The following SLC5A5 variants were observed in gnomAD, a reference collection of about 807,000 sequenced individuals.
The protein encoded by SLC5A5 is sodium/iodide cotransporter.
Under a neutral mutation model 68.6 loss-of-function variants are expected in SLC5A5, and 56 were observed. The ratio of observed to expected loss-of-function variants is 0.82; its 90% CI spans 0.66 to 1.02. SLC5A5 has a LOEUF of 1.02. Among genes scored for constraint, SLC5A5 ranks in the 50% least tolerant of loss-of-function variants. The probability of loss-of-function intolerance (pLI) is 0.00; values close to 1 mark genes in which losing one functional copy is unlikely to be tolerated. For synonymous variants in SLC5A5, 398 were observed against 373.0 expected, an observed-to-expected ratio of 1.07 and a Z score of -0.77; for missense variants, 807 against 859.8, an observed-to-expected ratio of 0.94 and a Z score of 0.77.
In SLC5A5 at chr19:17,883,059, A is replaced by T. The variant is rs149186103; in HGVS notation, c.1243-622A>T. Among the ~76,000 whole-genome samples, 1,346 of 151,956 alleles carry T rather than the reference A, an allele frequency of 8.9e-3. 20 individuals carry two copies. The highest frequency in any genetic ancestry group is 0.03 in the African/African-American group (1,248 of 41,424). On this transcript the variant is annotated intron_variant, in intron 10 of 14. Coordinates refer to ENST00000222248, the MANE Select transcript of SLC5A5 (RefSeq NM_000453.3). ...GGTCTCGAACTCCTGACCTCAAGTGATCCACCCGCCTCTGCCTCCCAAAGT... is the reference window on the plus strand; with the variant it reads ...GGTCTCGAACTCCTGACCTCAAGTGTTCCACCCGCCTCTGCCTCCCAAAGT...
chr19:17,891,997 A>G (rs2030190109), intron 14 of SLC5A5, among the ~76,000 whole-genome samples: 1 of 152,160 alleles, frequency 6.6e-6, no homozygotes, highest in Non-Finnish European at 1.5e-5. Flanking sequence ...TCAAAAGATA[A>G]TACAACCAGA....
chr19:17,877,722 G>C lies in SLC5A5; in HGVS notation c.699-1G>C. On this transcript the variant is annotated splice_acceptor_variant, in intron 5 of 14. Transcript: ENST00000222248. LOFTEE classifies it high-confidence loss of function. ...GGCTAACTTGCCCTGTCCCCACCCA[G>C]CTTTAACCCTGACCCGAGGAGCCGC... is the stretch of plus-strand genomic sequence containing the variant. 6.2e-7 allele frequency: 1 copy of C among 1,614,092 alleles called. No homozygotes were observed. Among genetic ancestry groups the C allele is most frequent in the Non-Finnish European group, 8.5e-7 (1 of 1,180,014 alleles).
In SLC5A5 at chr19:17,882,606, C is replaced by G. The variant is rs191794158; in HGVS notation, c.1242+387C>G. On this transcript the variant is annotated intron_variant, in intron 10 of 14. Transcript: ENST00000222248. ...TCTCAGCTCGCTGCAACCTCCACCC[C>G]CTGGGTTCAAGGAATTCTGCCTCAG... Among the ~76,000 whole-genome samples, 91 of 151,956 alleles carry G rather than the reference C, an allele frequency of 6.0e-4. No homozygotes were observed. In the East Asian group the frequency reaches 0.017, roughly 28 times the overall value.
intron 4 of SLC5A5, among the ~76,000 whole-genome samples, chr19:17,875,406 C>T (rs1479723341): frequency 4.6e-5 from 7 of 151,186 alleles, no homozygotes. Context: ...ATAGTAATGG[C>T]AGCAATCACT....
chr19:17,873,335 C>T (rs373682298), intron 1 of SLC5A5, among the ~76,000 whole-genome samples: 1 of 151,784 alleles, frequency 6.6e-6, no homozygotes, highest in East Asian at 1.9e-4. Context: ...GTGGTGGGCA[C>T]CTGTAATCCC....
Position 17,890,793 on chromosome 19 carries a change from G to A in SLC5A5, c.1652-93G>A, listed in dbSNP as rs1038571310. 27 of 878,290 alleles carry A rather than the reference G, an allele frequency of 3.1e-5. No homozygotes were observed. In the African/African-American group the frequency reaches 4.3e-4, roughly 14 times the overall value. The allele number at this position is 878,290 out of a possible 1,614,324, so 54.4% of individuals were successfully genotyped here. ...GGAGCCTGTTAGACTTCATAGACCA[G>A]GGATCTCCTTTCTCCTTCCCAGGAC... On this transcript the variant is annotated intron_variant, in intron 13 of 14. Transcript: ENST00000222248.
chr19:17,893,811 G>A lies in SLC5A5; in HGVS notation c.1866G>A (p.Gly622=). ...TCTTGGGGCAGAAGGAGCTGGAGGG[G>A]GCTGGCTCTTGGACCCCCTGTGTTG... The part of the protein sequence containing the change: ...LFFLGQKELE[G]AGSWTPCVGH... Residue 622 remains glycine, a synonymous_variant, in exon 15 of 15, where the codon GGG becomes GGA. Coordinates refer to ENST00000222248, the MANE Select transcript of SLC5A5 (RefSeq NM_000453.3). 6.2e-7 allele frequency: 1 copy of A among 1,607,014 alleles called. No individual in the cohort carries two copies. Among genetic ancestry groups the A allele is most frequent in the Non-Finnish European group, 8.5e-7 (1 of 1,176,214 alleles).
Position 17,872,070 on chromosome 19 carries a change from A to G in SLC5A5, c.-250A>G. ...TGAGAGGGGAGGTGGCAGGACAGAC[A>G]GACAGCAGGGGCGGACGCAGAGACA... is the stretch of plus-strand genomic sequence containing the variant. On this transcript the variant is annotated 5_prime_UTR_variant, in exon 1 of 15. Transcript: ENST00000222248. 1.8e-6 allele frequency: 1 copy of G among 546,578 alleles called. No homozygotes were observed. The highest frequency in any genetic ancestry group is 3.3e-6 in the Non-Finnish European group (1 of 306,936). 33.9% of individuals were successfully genotyped at this position (546,578 alleles called of 1,614,324 possible).
intron 5 of SLC5A5, among the ~76,000 whole-genome samples, chr19:17,876,546 C>T (rs2094307811): frequency 6.6e-6 from 1 of 150,764 alleles, no homozygotes; most frequent in South Asian, 2.1e-4. Flanking sequence ...TGACCGACAT[C>T]GAGAAACCCC....
rs750152679 is a variant in SLC5A5, at chr19:17,875,956, G to A, written c.548G>A (p.Gly183Asp). The A allele has an allele frequency of 6.2e-7, 1 of 1,614,072 alleles. No homozygotes were observed. Among genetic ancestry groups the A allele is most frequent in the Non-Finnish European group, 8.5e-7 (1 of 1,180,006 alleles). Residue 183 changes from glycine (G) to aspartate (D), a missense_variant, in exon 5 of 15, where the codon GGC (glycine) becomes GAC (aspartate). Gly to Asp is a moderately conservative substitution (Grantham distance 94). Transcript: ENST00000222248. ...IICTFYTAVG[G>D]MKAVVWTDVF... ...TCTCTCTGTCCCATGCTGCAGGGCG[G>A]CATGAAGGCTGTGGTCTGGACTGAT...
At chr19:17,886,452 C>T (rs919477908) in intron 12 of SLC5A5, among the ~76,000 whole-genome samples, 17 of 151,976 alleles carry the variant, frequency 1.1e-4, no homozygotes, top group African/African-American at 4.1e-4. Flanking sequence ...GGACTACAGG[C>T]ATATGCCACC....
chr19:17,877,706 GC>G lies in SLC5A5; in HGVS notation c.699-14del. 6.2e-7 allele frequency: 1 copy of G among 1,613,824 alleles called. No homozygotes were observed. The highest frequency in any genetic ancestry group is 8.5e-7 in the Non-Finnish European group (1 of 1,179,976). On this transcript the variant is annotated splice_polypyrimidine_tract_variant and intron_variant, in intron 5 of 14. Transcript: ENST00000222248. Reference sequence around the variant, plus strand: ...CGTGACATCTCCACGTGGCTAACTTGCCCTGTCCCCACCCAGCTTTAACCCT... The same window carrying G: ...CGTGACATCTCCACGTGGCTAACTTGCCTGTCCCCACCCAGCTTTAACCCT...
intron 7 of SLC5A5, among the ~76,000 whole-genome samples, chr19:17,878,976 AAAAAAAAAAAAAC>A (rs1245021666): frequency 3.4e-5 from 5 of 146,842 alleles, no homozygotes; most frequent in South Asian, 2.1e-4. Context: ...CTCCATCTCA[AAAAAAAAAAAAAC>A]AAAAAAAAAA....
chr19:17,872,410 G>A lies in SLC5A5; in HGVS notation c.91G>A (p.Gly31Arg), dbSNP rs2094296392. Reference protein sequence around the residue: ...ALMLLVSTGIGLWVGLARGGQ... With the variant: ...ALMLLVSTGIRLWVGLARGGQ... Reference sequence around the variant, plus strand: ...CATGCTCCTGGTGTCCACTGGCATCGGGCTGTGGGTCGGGCTGGCTCGGGG... The same window carrying A: ...CATGCTCCTGGTGTCCACTGGCATCAGGCTGTGGGTCGGGCTGGCTCGGGG... Residue 31 changes from glycine (G) to arginine (R), a missense_variant, in exon 1 of 15, where the codon GGG becomes AGG. Gly to Arg is a moderately radical substitution (Grantham distance 125). Transcript: ENST00000222248. 1 of 1,607,132 alleles carries A rather than the reference G, an allele frequency of 6.2e-7. No individual in the cohort carries two copies. The highest frequency in any genetic ancestry group is 1.7e-5 in the Admixed American group (1 of 59,512).
In SLC5A5 at chr19:17,873,771, A is replaced by T. The variant is rs368753274; in HGVS notation, c.358-367A>T. On this transcript the variant is annotated intron_variant, in intron 1 of 14. Transcript: ENST00000222248. ...ACTCCGTCCCCCCTCCCCCCCAAAAAAATCGTGACAGGTATATCCTAGGCG... is the reference window on the plus strand; with the variant it reads ...ACTCCGTCCCCCCTCCCCCCCAAAATAATCGTGACAGGTATATCCTAGGCG... Among the ~76,000 whole-genome samples the T allele has an allele frequency of 3.4e-3, 520 of 152,258 alleles. 1 individual carries two copies. Among genetic ancestry groups the T allele is most frequent in the African/African-American group, 0.012 (506 of 41,544 alleles).
chr19:17,891,483 G>A (rs951799452), intron 14 of SLC5A5, among the ~76,000 whole-genome samples: 4 of 152,018 alleles, frequency 2.6e-5, no homozygotes, highest in Admixed American at 1.3e-4. Context: ...TGGGATGACA[G>A]GCATGAGCCA....
At position 17,894,984 on chromosome 19, in the gene SLC5A5, C is replaced by A. The variant is rs1899611048; in HGVS notation, c.*1107C>A. 6.6e-6 allele frequency: 1 copy of A among 152,036 alleles called. No homozygotes were observed. 9.4% of individuals were successfully genotyped at this position (152,036 alleles called of 1,614,324 possible). On this transcript the variant is annotated 3_prime_UTR_variant, in exon 15 of 15. Coordinates refer to ENST00000222248, the MANE Select transcript of SLC5A5 (RefSeq NM_000453.3). Reference sequence around the variant, plus strand: ...GGAAGATGCCACGTGAAGACAGAGGCAGTGGTTGGATCAATGCATCTACGA... The same window carrying A: ...GGAAGATGCCACGTGAAGACAGAGGAAGTGGTTGGATCAATGCATCTACGA...
rs185045651 is a variant in SLC5A5 at position 17,876,158 on chromosome 19, G to A, written c.698+52G>A. 90 of 1,587,172 alleles carry A rather than the reference G, an allele frequency of 5.7e-5. No homozygotes were observed. The East Asian group carries it at 1.2e-3, about 21-fold the overall frequency. On this transcript the variant is annotated intron_variant, in intron 5 of 14. Transcript: ENST00000222248. ...AGCAGGATGGGGCTGGGACCAGTGCGGTGGCTCATGCCTGTAATCCCAGCA... is the reference window on the plus strand; with the variant it reads ...AGCAGGATGGGGCTGGGACCAGTGCAGTGGCTCATGCCTGTAATCCCAGCA...
intron 13 of SLC5A5, among the ~76,000 whole-genome samples, chr19:17,888,685 T>C (rs138320141): frequency 1.6e-3 from 241 of 151,074 alleles, no homozygotes; most frequent in Non-Finnish European, 2.3e-3. Context: ...CAGGCTGGAG[T>C]GCAGTGGTGT....
Sources: gnomAD v4.1 joint callset for allele counts (sites outside exome capture counted in the v4.1 genomes callset) on GRCh38, gnomAD v4.1.1 for gene constraint, MANE v1.5 for transcripts, NCBI Gene and HGNC (gene_info 2026-07-23, HGNC 2026-07-21) for gene names.